MAGI1: variants seen among roughly 807,000 people sequenced by gnomAD.
MAGI1 encodes the protein membrane-associated guanylate kinase, WW and PDZ domain-containing protein 1.
Under a neutral mutation model 139.9 loss-of-function variants are expected in MAGI1, and 58 were observed. The observed-to-expected ratio is 0.41, with a 90% CI of 0.34 to 0.52. The LOEUF (loss-of-function observed/expected upper bound fraction) is 0.52. Among genes scored for constraint, MAGI1 ranks in the 20% least tolerant of loss-of-function variants. The pLI, the probability that MAGI1 is intolerant of heterozygous loss-of-function variation, is 0.12. For missense variants in MAGI1, 1,874 were observed against 1,901.6 expected (o/e 0.99, Z 0.27); for synonymous variants, 812 against 737.9 (o/e 1.10, Z -1.63).
At chr3:65,652,209 C>T (rs2085624322) in intron 1 of MAGI1, among the ~76,000 whole-genome samples, 1 of 152,140 alleles carries the variant, frequency 6.6e-6, no homozygotes, top group African/African-American at 2.4e-5. Flanking sequence ...TAATTCAACA[C>T]TGTAAAAATT....
intron 1 of MAGI1, among the ~76,000 whole-genome samples, chr3:65,744,806 T>C (rs551523243): frequency 1.1e-4 from 17 of 152,178 alleles, no homozygotes; most frequent in Non-Finnish European, 2.5e-4. Flanking sequence ...TACATTAACA[T>C]ATATAAAACG....
intron 2 of MAGI1, among the ~76,000 whole-genome samples, chr3:65,615,203 A>G (rs2083309302): frequency 6.6e-6 from 1 of 152,138 alleles, no homozygotes; most frequent in Non-Finnish European, 1.5e-5. Flanking sequence ...TACAATGGAG[A>G]AAATGGCTTT....
chr3:65,962,416 C>T (rs13088832), intron 1 of MAGI1, among the ~76,000 whole-genome samples: 3 of 152,092 alleles, frequency 2.0e-5, no homozygotes, highest in Non-Finnish European at 2.9e-5. Context: ...CCACCGCGCC[C>T]GGCCTCTGAA....
rs766232647 is a variant in MAGI1 at position 65,448,008 on chromosome 3, C to T, written c.1078+14G>A. 6.2e-7 allele frequency: 1 copy of T among 1,614,020 alleles called. No homozygotes were observed. The highest frequency in any genetic ancestry group is 1.1e-5 in the South Asian group (1 of 91,080). On this transcript the variant is annotated intron_variant, in intron 7 of 22. Transcript: ENST00000402939. ...GCACGTGTCATGCAGCAGCAGCAGG[C>T]AGGGAGGGTTTACCTAGTTCACTGT...
intron 1 of MAGI1, among the ~76,000 whole-genome samples, chr3:65,668,187 A>G (rs903761760): frequency 6.6e-6 from 1 of 152,168 alleles, no homozygotes; most frequent in African/African-American, 2.4e-5. Flanking sequence ...GGGGATGACA[A>G]TAATACCACT....
intron 1 of MAGI1, among the ~76,000 whole-genome samples, chr3:65,706,720 G>A (rs2030363697): frequency 6.6e-6 from 1 of 152,162 alleles, no homozygotes; most frequent in Non-Finnish European, 1.5e-5. Context: ...AAATCTGACA[G>A]CATTACTGAC....
In MAGI1 at chr3:65,528,556, T is replaced by C. The variant is rs114768340; in HGVS notation, c.431-34925A>G. Reference sequence around the variant, plus strand: ...ACAGAACCATCTGCATCTCAATTTCTGAACCTGTAATGTGAAGAAAATATC... The same window carrying C: ...ACAGAACCATCTGCATCTCAATTTCCGAACCTGTAATGTGAAGAAAATATC... On this transcript the variant is annotated intron_variant, in intron 2 of 22. Transcript: ENST00000402939. Among the ~76,000 whole-genome samples, 490 of 152,328 alleles carry C rather than the reference T, an allele frequency of 3.2e-3. 1 individual carries two copies. Among genetic ancestry groups the C allele is most frequent in the African/African-American group, 0.011 (459 of 41,584 alleles).
intron 1 of MAGI1, among the ~76,000 whole-genome samples, chr3:65,823,763 A>G (rs927683697): frequency 4.6e-5 from 7 of 152,224 alleles, no homozygotes; most frequent in African/African-American, 1.4e-4. Context: ...AGCCTGTACA[A>G]TGTGCCAGAG....
intron 1 of MAGI1, among the ~76,000 whole-genome samples, chr3:65,920,677 G>A (rs2062131990): frequency 6.6e-6 from 1 of 152,142 alleles, no homozygotes; most frequent in African/African-American, 2.4e-5. Context: ...TGAAAATTAA[G>A]ATTAATTGAA....
At chr3:65,568,528 G>C (rs1175942000) in intron 2 of MAGI1, among the ~76,000 whole-genome samples, 1 of 152,170 alleles carries the variant, frequency 6.6e-6, no homozygotes, top group Non-Finnish European at 1.5e-5. Flanking sequence ...TGCTCAGGTT[G>C]GCTGATTTGC....
At chr3:65,516,131 A>C (rs994338871) in intron 2 of MAGI1, among the ~76,000 whole-genome samples, 61 of 152,180 alleles carry the variant, frequency 4.0e-4, no homozygotes, top group African/African-American at 1.4e-3. Flanking sequence ...GCCTGAGCAC[A>C]GAAGTTCAAG....
intron 1 of MAGI1, among the ~76,000 whole-genome samples, chr3:65,851,398 T>C (rs1460895331): frequency 2.6e-5 from 4 of 152,156 alleles, no homozygotes. Context: ...TGTTGCCTTA[T>C]TTGGATTTTG....
chr3:65,960,272 A>G (rs1169634166), intron 1 of MAGI1, among the ~76,000 whole-genome samples: 2 of 152,124 alleles, frequency 1.3e-5, no homozygotes, highest in Non-Finnish European at 2.9e-5. Context: ...TCATGTGGAA[A>G]AGCTCCCAGA....
chr3:65,783,746 C>T (rs1456872730), intron 1 of MAGI1, among the ~76,000 whole-genome samples: 1 of 150,224 alleles, frequency 6.7e-6, no homozygotes, highest in African/African-American at 2.4e-5. Flanking sequence ...AATCTGCCCA[C>T]CTCAGCCTCT....
At chr3:65,806,066 C>G (rs2040835709) in intron 1 of MAGI1, among the ~76,000 whole-genome samples, 1 of 152,096 alleles carries the variant, frequency 6.6e-6, no homozygotes, top group Non-Finnish European at 1.5e-5. Flanking sequence ...CAAATCTGCA[C>G]ATCCTACACA....
intron 1 of MAGI1, among the ~76,000 whole-genome samples, chr3:65,809,869 C>A (rs898864156): frequency 6.6e-6 from 1 of 152,098 alleles, no homozygotes; most frequent in African/African-American, 2.4e-5. Flanking sequence ...CAAAATTCAC[C>A]TAGGCTCCTT....
intron 1 of MAGI1, among the ~76,000 whole-genome samples, chr3:65,990,854 G>T (rs1053674421): frequency 6.6e-6 from 1 of 152,118 alleles, no homozygotes; most frequent in African/African-American, 2.4e-5. Context: ...GGATGTGGTG[G>T]TGCATGCCTG....
At chr3:65,712,479 C>G (rs2372184) in intron 1 of MAGI1, among the ~76,000 whole-genome samples, 2,855 of 148,688 alleles carry the variant, frequency 0.019, 87 homozygotes, top group African/African-American at 0.066. Flanking sequence ...AAAAGCCATG[C>G]GCGATAATAA....
intron 2 of MAGI1, among the ~76,000 whole-genome samples, chr3:65,590,092 C>G (rs532624220): frequency 1.3e-5 from 2 of 152,302 alleles, no homozygotes; most frequent in South Asian, 4.1e-4. Context: ...AAACTCCCAT[C>G]CAGCCTTTAA....
Sources: allele counts gnomAD v4.1 joint callset (sites outside exome capture counted in the v4.1 genomes callset), GRCh38; gene constraint gnomAD v4.1.1; transcripts MANE v1.5; gene names NCBI Gene and HGNC (gene_info 2026-07-23, HGNC 2026-07-21).